Variants in RTL4 observed in about 807,000 individuals in gnomAD.
RTL4 encodes retrotransposon Gag-like protein 4.
Under a neutral mutation model 5.3 loss-of-function variants are expected in RTL4, and 4 were observed. That is an observed-to-expected ratio of 0.75 (90% confidence interval 0.37 to 1.72). The LOEUF is 1.72. Ranked by LOEUF, RTL4 falls within the 40% of genes most tolerant of loss-of-function variation. The pLI is 0.04. For missense variants in RTL4, 260 were observed against 227.1 expected (o/e 1.14, Z -0.93); for synonymous variants, 98 against 87.3 (o/e 1.12, Z -0.68).
the RTL4 span, among the ~76,000 whole-genome samples, chrX:112,341,387 G>A: frequency 5.4e-5 from 6 of 111,894 alleles, no homozygotes; most frequent in African/African-American, 1.9e-4. Flanking sequence ...ATAAGTTGAG[G>A]AGATGTCAAT....
At chrX:112,352,931 A>C in the RTL4 span, among the ~76,000 whole-genome samples, 1 of 111,830 alleles carries the variant, frequency 8.9e-6, no homozygotes, top group Admixed American at 9.5e-5. Flanking sequence ...CAATCTACTT[A>C]TCTGCCAAAG....
chrX:112,204,007 TGGA>T, the RTL4 span, among the ~76,000 whole-genome samples: 1 of 112,540 alleles, frequency 8.9e-6, no homozygotes, highest in Non-Finnish European at 1.9e-5. Context: ...GCATTGTCAT[TGGA>T]GCAATTGCAA....
the RTL4 span, among the ~76,000 whole-genome samples, chrX:112,114,273 C>T: frequency 4.5e-5 from 5 of 111,531 alleles, no homozygotes; most frequent in Admixed American, 1.9e-4. Flanking sequence ...TGATCTGAGT[C>T]GAGGTCCCAG....
At chrX:112,198,699 A>G in the RTL4 span, among the ~76,000 whole-genome samples, 2 of 111,164 alleles carry the variant, frequency 1.8e-5, no homozygotes, top group Admixed American at 1.9e-4. Flanking sequence ...CCATCGATCT[A>G]TTTAACTATC....
chrX:112,184,524 T>A, the RTL4 span, among the ~76,000 whole-genome samples: 3 of 112,021 alleles, frequency 2.7e-5, no homozygotes, highest in South Asian at 1.1e-3. Flanking sequence ...TCACTCCCAC[T>A]TTCTCCCAAG....
the RTL4 span, among the ~76,000 whole-genome samples, chrX:112,137,535 C>G: frequency 9.0e-6 from 1 of 111,434 alleles, no homozygotes; most frequent in African/African-American, 3.3e-5. Flanking sequence ...TGTGAGAACT[C>G]ACTTACTATC....
At chrX:112,125,298 T>C in the RTL4 span, among the ~76,000 whole-genome samples, 1 of 111,507 alleles carries the variant, frequency 9.0e-6, no homozygotes, top group Non-Finnish European at 1.9e-5. Flanking sequence ...GATTAAGAAA[T>C]CTTTCTTTAC....
the RTL4 span, among the ~76,000 whole-genome samples, chrX:112,348,275 C>T: frequency 9.1e-6 from 1 of 109,773 alleles, no homozygotes; most frequent in African/African-American, 3.3e-5. Context: ...TCAACCAATT[C>T]CTTTAGCAGT....
At chrX:112,144,440 A>G in the RTL4 span, among the ~76,000 whole-genome samples, 1 of 111,138 alleles carries the variant, frequency 9.0e-6, no homozygotes, top group African/African-American at 3.3e-5. Flanking sequence ...GGACCACATA[A>G]TTTGCATTTC....
chrX:112,253,821 C>T, the RTL4 span, among the ~76,000 whole-genome samples: 2 of 112,181 alleles, frequency 1.8e-5, no homozygotes, highest in African/African-American at 3.2e-5. Context: ...CGCCTCTACC[C>T]TTGATATCTG....
the RTL4 span, among the ~76,000 whole-genome samples, chrX:112,245,818 C>G: frequency 7.1e-5 from 8 of 112,366 alleles, no homozygotes; most frequent in Admixed American, 4.7e-4. Flanking sequence ...TCTGGTTTCT[C>G]CCCATCTTTG....
At chrX:112,155,964 CT>C in the RTL4 span, among the ~76,000 whole-genome samples, 1 of 111,691 alleles carries the variant, frequency 9.0e-6, no homozygotes, top group African/African-American at 3.3e-5. Flanking sequence ...CTGGATGGCT[CT>C]GGTAGTTTTA....
the RTL4 span, among the ~76,000 whole-genome samples, chrX:112,237,830 G>A: frequency 1.8e-5 from 2 of 111,984 alleles, no homozygotes; most frequent in African/African-American, 3.2e-5. Context: ...AATGAAGAGC[G>A]ATTTATTCAG....
the RTL4 span, among the ~76,000 whole-genome samples, chrX:112,367,469 C>A: frequency 8.6e-3 from 958 of 111,794 alleles, 16 homozygotes; most frequent in African/African-American, 0.03. Context: ...AGGAAAAAAA[C>A]CACTAAATTA....
At chrX:112,370,530 C>T in the RTL4 span, among the ~76,000 whole-genome samples, 1 of 111,642 alleles carries the variant, frequency 9.0e-6, no homozygotes, top group Non-Finnish European at 1.9e-5. Flanking sequence ...CTGCATAATT[C>T]ATATGCAAAT....
upstream of RTL4, among the ~76,000 whole-genome samples, chrX:112,450,915 T>C (rs1368231173): frequency 9.0e-6 from 1 of 111,631 alleles, no homozygotes; most frequent in Non-Finnish European, 1.9e-5. Context: ...ATGGAAGCAA[T>C]TTTTTTTCAT....
the RTL4 span, among the ~76,000 whole-genome samples, chrX:112,377,226 A>G: frequency 8.9e-6 from 1 of 111,996 alleles, no homozygotes; most frequent in Non-Finnish European, 1.9e-5. Flanking sequence ...TTTAGGATAC[A>G]GATGCCCCTC....
At chrX:112,084,175 G>A in the RTL4 span, among the ~76,000 whole-genome samples, 1 of 110,986 alleles carries the variant, frequency 9.0e-6, no homozygotes, top group African/African-American at 3.3e-5. Context: ...TCATTGCGGA[G>A]CCTGTGAAGC....
the RTL4 span, among the ~76,000 whole-genome samples, chrX:112,361,643 C>T: frequency 9.0e-6 from 1 of 110,557 alleles, no homozygotes; most frequent in South Asian, 3.8e-4. Context: ...CTTTTCTATC[C>T]GAGGGAGAGA....
Sources: gnomAD v4.1 joint callset for allele counts (sites outside exome capture counted in the v4.1 genomes callset) on GRCh38, gnomAD v4.1.1 for gene constraint, MANE v1.5 for transcripts, NCBI Gene and HGNC (gene_info 2026-07-23, HGNC 2026-07-21) for gene names.